Variants in ELL3 observed in about 807,000 individuals in gnomAD.
ELL3 encodes the protein RNA polymerase II elongation factor ELL3.
Under a neutral mutation model 58.5 loss-of-function variants are expected in ELL3, and 48 were observed. That is an observed-to-expected ratio of 0.82 (90% CI 0.65 to 1.04). The LOEUF is 1.04. Among genes scored for constraint, ELL3 ranks in the 50% least tolerant of loss-of-function variants. The pLI, the probability that ELL3 is intolerant of heterozygous loss-of-function variation, is 0.00. For missense variants in ELL3, 458 were observed against 478.4 expected (o/e 0.96, Z 0.40); for synonymous variants, 174 against 173.2 (o/e 1.00, Z -0.04).
intron 9 of ELL3, among the ~76,000 whole-genome samples, 183 bp downstream of exon 9, chr15:43,773,999 C>T (rs552711325): frequency 7.0e-4 from 106 of 152,082 alleles, no homozygotes; most frequent in African/African-American, 2.5e-3. Context: ...TAGACTGTCC[C>T]CCCAAAAAAA....
rs1309897545 is a variant in ELL3 at position 43,774,518 on chromosome 15, T to A, written c.824A>T (p.Asp275Val). 6.2e-7 allele frequency: 1 copy of A among 1,614,160 alleles called. No homozygotes were observed. The highest frequency in any genetic ancestry group is 1.7e-5 in the Admixed American group (1 of 60,002). ...RLEHSSSVQE[D>V]SESPSPEDIP... The stretch of plus-strand genomic sequence containing the variant: ...ATCTTCAGGACTTGGGGATTCAGAA[T>A]CTAGGAAGGAAGCAAGAAAACACAA... Residue 275 changes from aspartate (D) to valine (V), a missense_variant and splice_region_variant, in exon 8 of 11, where the codon GAT becomes GTT. Coordinates refer to ENST00000319359, the MANE Select transcript of ELL3 (RefSeq NM_025165.3).
chr15:43,775,753 G>T lies in ELL3; in HGVS notation c.452C>A (p.Ala151Glu). 2.5e-6 allele frequency: 4 copies of T among 1,614,166 alleles called. No individual in the cohort carries two copies. Among genetic ancestry groups the T allele is most frequent in the Non-Finnish European group, 3.4e-6 (4 of 1,180,042 alleles). Residue 151 changes from alanine to glutamate, a missense_variant, in exon 4 of 11, where the codon GCA (alanine) becomes GAA (glutamate). Ala to Glu is a moderately radical substitution (Grantham distance 107). Coordinates refer to ENST00000319359, the MANE Select transcript of ELL3 (RefSeq NM_025165.3). ...TAGTGCCATCTGTGGCTGTGATACT[G>T]CATCTCCTTCAGAATAGCCTCCTGT... ...QNTGGYSEGD[A>E]VSQPQMALEE...
At chr15:43,776,313 A>G (rs2141662804) in intron 2 of ELL3, 162 bp from the exon 3 acceptor site, 1 of 1,110,792 alleles carries the variant, frequency 9.0e-7, no homozygotes, top group Non-Finnish European at 1.3e-6. Context: ...GGAGGCCGAA[A>G]CAGCACAGTC....
Position 43,773,169 on chromosome 15 carries a change from A to G in ELL3, c.1141T>C (p.Ser381Pro). 1 of 1,613,908 alleles carries G rather than the reference A, an allele frequency of 6.2e-7. No individual in the cohort carries two copies. Among genetic ancestry groups the G allele is most frequent in the African/African-American group, 1.3e-5 (1 of 75,012 alleles). ...RRCEYLHQKL[S>P]HIKGLILEFE... ...TCCAGGATGAGACCTTTAATGTGGG[A>G]CAATTTCTGGTGAAGGTACTCACAG... The change falls in exon 11 of 11, where the codon TCC becomes CCC. Residue 381 changes from serine (S) to proline (P), a missense_variant. Physicochemically the swap from Ser to Pro is moderately conservative, Grantham distance 74. Transcript: ENST00000319359.
At chr15:43,776,649 G>A in intron 1 of ELL3, 105 bp from the exon 2 acceptor site, 1 of 1,546,176 alleles carries the variant, frequency 6.5e-7, no homozygotes, top group Non-Finnish European at 8.8e-7. Context: ...TTCACTTGGA[G>A]AGGTGGGGAG....
Position 43,774,657 on chromosome 15 carries a change from A to G in ELL3, c.762T>C (p.Asp254=), listed in dbSNP as rs2086901645. Reference sequence around the variant, plus strand: ...CCATGTCCTCATCTTCTTGCTCCCAATCTTCTCCCTCTTGTAAATCCTGAT... The same window carrying G: ...CCATGTCCTCATCTTCTTGCTCCCAGTCTTCTCCCTCTTGTAAATCCTGAT... ...LTNQDLQEGE[D]WEQEDEDMDP... Residue 254 remains aspartate (D), a synonymous_variant, in exon 7 of 11, where the codon GAT becomes GAC. Coordinates refer to ENST00000319359, the MANE Select transcript of ELL3 (RefSeq NM_025165.3). 6.2e-7 allele frequency: 1 copy of G among 1,614,044 alleles called. No individual in the cohort carries two copies. The highest frequency in any genetic ancestry group is 8.5e-7 in the Non-Finnish European group (1 of 1,180,000).
chr15:43,772,996 G>T lies in ELL3; in HGVS notation c.*120C>A. Reference sequence around the variant, plus strand: ...AAGAACCTAGAGCAGCTCTCTACTTGCCACCATGGACTCCAGTGGTCAGCA... The same window carrying T: ...AAGAACCTAGAGCAGCTCTCTACTTTCCACCATGGACTCCAGTGGTCAGCA... On this transcript the variant is annotated 3_prime_UTR_variant, in exon 11 of 11. Coordinates refer to ENST00000319359, the MANE Select transcript of ELL3 (RefSeq NM_025165.3). 1 of 942,190 alleles carries T rather than the reference G, an allele frequency of 1.1e-6. No homozygotes were observed. Among genetic ancestry groups the T allele is most frequent in the Non-Finnish European group, 1.6e-6 (1 of 620,982 alleles). The allele number at this position is 942,190 out of a possible 1,614,324, so 58.4% of individuals were successfully genotyped here.
intron 6 of ELL3, 90 bp downstream of exon 6, chr15:43,775,216 G>T (rs2141661653): frequency 7.6e-7 from 1 of 1,311,428 alleles, no homozygotes; most frequent in Non-Finnish European, 1.0e-6. Context: ...CTAAATTTTA[G>T]CTTGACTAAA....
At chr15:43,775,273 T>TA in intron 6 of ELL3, 33 bp downstream of exon 6, 1 of 1,555,750 alleles carries the variant, frequency 6.4e-7, no homozygotes, top group East Asian at 2.3e-5. Context: ...ATATTAATGT[T>TA]ACAAAAAAAA....
Position 43,775,617 on chromosome 15 carries a change from G to T in ELL3, c.484-7C>A, listed in dbSNP as rs761359622. On this transcript the variant is annotated splice_region_variant and splice_polypyrimidine_tract_variant and intron_variant, in intron 4 of 10. Coordinates refer to ENST00000319359, the MANE Select transcript of ELL3 (RefSeq NM_025165.3). ...GTGGATCTGACACTGACACCTGGTG[G>T]GGAAAGTGGCAGGAGCACTTGGTTC... 30 of 1,614,022 alleles carry T rather than the reference G, an allele frequency of 1.9e-5. 1 individual carries two copies. The South Asian group carries it at 3.3e-4, about 18-fold the overall frequency.
At position 43,775,781 on chromosome 15, in the gene ELL3, T is replaced by C. The variant is rs1427219587; in HGVS notation, c.424A>G (p.Asn142Asp). 3 of 1,614,218 alleles carry C rather than the reference T, an allele frequency of 1.9e-6. No homozygotes were observed. The highest frequency in any genetic ancestry group is 2.5e-6 in the Non-Finnish European group (3 of 1,180,034). ...EDARHPESWQ[N>D]TGGYSEGDAV... Reference sequence around the variant, plus strand: ...TCTCCTTCAGAATAGCCTCCTGTGTTCTGCCAACTCTCAGGATGTCTGGCA... The same window carrying C: ...TCTCCTTCAGAATAGCCTCCTGTGTCCTGCCAACTCTCAGGATGTCTGGCA... Residue 142 changes from asparagine (N) to aspartate (D), a missense_variant, in exon 4 of 11, where the codon AAC becomes GAC. Asn to Asp is a conservative substitution (Grantham distance 23, BLOSUM62 1). Coordinates refer to ENST00000319359, the MANE Select transcript of ELL3 (RefSeq NM_025165.3).
chr15:43,774,158 A>G (rs2086897793), intron 9 of ELL3, 24 bp downstream of exon 9: 1 of 1,609,918 alleles, frequency 6.2e-7, no homozygotes, highest in Non-Finnish European at 8.5e-7. Flanking sequence ...AGAGCTGGAA[A>G]GCCAGGCTGG....
chr15:43,773,226 G>A lies in ELL3; in HGVS notation c.1084C>T (p.Gln362Ter), dbSNP rs371465757. 2 of 1,613,690 alleles carry A rather than the reference G, an allele frequency of 1.2e-6. No individual in the cohort carries two copies. Among genetic ancestry groups the A allele is most frequent in the African/African-American group, 2.7e-5 (2 of 74,860 alleles). ...TTTTCTTCTCTGTAACTTGGGTACT[G>A]CTGCAGAGAAAAAGCATCCATGTCA... ...IIQEYKKFRK[Q>*]YPSYREEKRR... Residue 362 changes from glutamine to a stop codon, truncating the protein, a stop_gained and splice_region_variant, in exon 11 of 11, where the codon CAG (glutamine) becomes TAG (stop). Coordinates refer to ENST00000319359, the MANE Select transcript of ELL3 (RefSeq NM_025165.3). LOFTEE classifies it high-confidence loss of function.
In ELL3 at chr15:43,775,387, A is replaced by T. The variant is rs750792902; in HGVS notation, c.570-6T>A. The T allele has an allele frequency of 1.9e-6, 3 of 1,613,154 alleles. No individual in the cohort carries two copies. The East Asian group carries it at 6.7e-5, about 36-fold the overall frequency. ...TTGGAACATGGGTCTGGCTTCTAGGATATTTTAAGGGAATGGGACAGATGA... is the reference window on the plus strand; with the variant it reads ...TTGGAACATGGGTCTGGCTTCTAGGTTATTTTAAGGGAATGGGACAGATGA... On this transcript the variant is annotated splice_polypyrimidine_tract_variant and splice_region_variant and intron_variant, in intron 5 of 10. Transcript: ENST00000319359.
Position 43,772,720 on chromosome 15 carries a change from C to G in ELL3, c.*396G>C, listed in dbSNP as rs1040912081. 1 of 157,748 alleles carries G rather than the reference C, an allele frequency of 6.3e-6. No homozygotes were observed. The highest frequency in any genetic ancestry group is 2.4e-5 in the African/African-American group (1 of 41,672). 9.8% of individuals were successfully genotyped at this position (157,748 alleles called of 1,614,324 possible). On this transcript the variant is annotated 3_prime_UTR_variant, in exon 11 of 11. Transcript: ENST00000319359. ...CCAGGTATGCTACAAGTTCTTTTAA[C>G]TCTTATCAGAAGTTATTATTACTGT...
At position 43,775,571 on chromosome 15, in the gene ELL3, ACTGT is replaced by A. The variant is rs1371174792; in HGVS notation, c.519_522del (p.Gln174HisfsTer15). On this transcript the variant is annotated frameshift_variant, in exon 5 of 11. Transcript: ENST00000319359. LOFTEE classifies it high-confidence loss of function. ...TGCTCCCTTGAGGATCCTGGGAGTGACTGTCCTTGGTTGCTTGCCAGTGGATCTG... is the reference window on the plus strand; with the variant it reads ...TGCTCCCTTGAGGATCCTGGGAGTGACCTTGGTTGCTTGCCAGTGGATCTG... 6.8e-6 allele frequency: 11 copies of A among 1,614,054 alleles called. No individual in the cohort carries two copies. The highest frequency in any genetic ancestry group is 2.7e-5 in the African/African-American group (2 of 74,934).
chr15:43,776,685 T>G (rs2141663224), intron 1 of ELL3, 85 bp downstream of exon 1: 1 of 1,553,768 alleles, frequency 6.4e-7, no homozygotes, highest in South Asian at 1.2e-5. Flanking sequence ...AGCCGCTCCC[T>G]CTCCCCTGCA....
intron 8 of ELL3, 48 bp downstream of exon 8, chr15:43,774,428 T>TAGGG (rs2086899834): frequency 1.9e-6 from 3 of 1,613,724 alleles, no homozygotes. Flanking sequence ...AAGTGTATCT[T>TAGGG]AATATATGAA....
chr15:43,775,331 GAGGA>G lies in ELL3; in HGVS notation c.616_619del (p.Ser206LeufsTer15). The G allele has an allele frequency of 6.2e-7, 1 of 1,613,122 alleles. No individual in the cohort carries two copies. The highest frequency in any genetic ancestry group is 8.5e-7 in the Non-Finnish European group (1 of 1,179,220). ...CTTGTCCAGACGTTTCCGGCTGGCAGAGGAAGGCAGTGCCTGAACAGGTTCTCTG... is the reference window on the plus strand; with the variant it reads ...CTTGTCCAGACGTTTCCGGCTGGCAGAGGCAGTGCCTGAACAGGTTCTCTG... On this transcript the variant is annotated frameshift_variant, in exon 6 of 11. Transcript: ENST00000319359. LOFTEE classifies it high-confidence loss of function.
Sources: gnomAD v4.1 joint callset for allele counts (sites outside exome capture counted in the v4.1 genomes callset) on GRCh38, gnomAD v4.1.1 for gene constraint, MANE v1.5 for transcripts, NCBI Gene and HGNC (gene_info 2026-07-23, HGNC 2026-07-21) for gene names.